The following LPP variants were observed in gnomAD, a reference collection of about 807,000 sequenced individuals.
The protein encoded by LPP is LIM domain containing preferred translocation partner in lipoma.
A neutral mutation model predicts 60.4 loss-of-function variants in LPP; 38 were observed. The ratio of observed to expected loss-of-function variants is 0.63; its 90% confidence interval spans 0.49 to 0.83. The LOEUF is 0.83. LPP is among the 40% of genes least tolerant of loss of function. The pLI is 0.00. For missense variants in LPP, 902 were observed against 783.6 expected (o/e 1.15, Z -1.80); for synonymous variants, 328 against 290.8 (o/e 1.13, Z -1.30).
chr3:188,503,802 G>A (rs1276709635), intron 5 of LPP, among the ~76,000 whole-genome samples: 1 of 152,066 alleles, frequency 6.6e-6, no homozygotes, highest in Non-Finnish European at 1.5e-5. Flanking sequence ...TAAGAAAACC[G>A]GATAATTTTA....
intron 6 of LPP, among the ~76,000 whole-genome samples, chr3:188,562,810 G>A (rs17606853): frequency 0.46 from 70,382 of 151,792 alleles, 17,157 homozygotes; most frequent in East Asian, 0.92. Flanking sequence ...TTGATGTTTA[G>A]TTTCAGACCT....
At chr3:188,457,727 C>T (rs1250012102) in intron 4 of LPP, among the ~76,000 whole-genome samples, 1 of 41,882 alleles carries the variant, frequency 2.4e-5, no homozygotes, top group Non-Finnish European at 4.4e-5. Flanking sequence ...ACTGTCTCTA[C>T]TAAAAAAAAA....
chr3:188,385,934 A>G (rs1778149052), intron 3 of LPP, among the ~76,000 whole-genome samples: 1 of 152,128 alleles, frequency 6.6e-6, no homozygotes, highest in African/African-American at 2.4e-5. Flanking sequence ...CCCCAAAATT[A>G]TCTCTACTGA....
intron 2 of LPP, among the ~76,000 whole-genome samples, chr3:188,300,710 C>T (rs1427003476): frequency 6.6e-6 from 1 of 152,132 alleles, no homozygotes; most frequent in Non-Finnish European, 1.5e-5. Context: ...TCCTGAATGT[C>T]CTGCGTTAGG....
At chr3:188,360,464 A>G (rs1035300701) in intron 3 of LPP, among the ~76,000 whole-genome samples, 33 of 145,766 alleles carry the variant, frequency 2.3e-4, no homozygotes, top group African/African-American at 7.9e-4. Flanking sequence ...TCTTTCTCCC[A>G]CCCTCCTCTC....
At chr3:188,404,817 G>A in intron 3 of LPP, among the ~76,000 whole-genome samples, 1 of 152,164 alleles carries the variant, frequency 6.6e-6, no homozygotes, top group Non-Finnish European at 1.5e-5. Context: ...CTTTTGGGCT[G>A]GGGGCGCTTA....
At chr3:188,185,128 G>C (rs576554612) in intron 1 of LPP, among the ~76,000 whole-genome samples, 2 of 152,132 alleles carry the variant, frequency 1.3e-5, no homozygotes, top group East Asian at 3.9e-4. Flanking sequence ...TTTGATGGTA[G>C]AGGAGGAAAG....
intron 4 of LPP, among the ~76,000 whole-genome samples, chr3:188,445,276 T>A (rs1794952888): frequency 6.6e-6 from 1 of 152,184 alleles, no homozygotes. Flanking sequence ...AAAGAAAATG[T>A]GGCACATATG....
chr3:188,422,913 T>TGTGTGTGTGTGTGTG (rs1553893973), intron 4 of LPP, among the ~76,000 whole-genome samples: 6 of 133,806 alleles, frequency 4.5e-5, no homozygotes, highest in African/African-American at 1.7e-4. Context: ...GGTGTCTTCT[T>TGTGTGTGTGTGTGTG]TGTGTGTGTG....
At chr3:188,226,771 GA>G (rs896240657) in intron 2 of LPP, among the ~76,000 whole-genome samples, 1 of 151,774 alleles carries the variant, frequency 6.6e-6, no homozygotes, top group Non-Finnish European at 1.5e-5. Context: ...CATTGTGATT[GA>G]AAAAAAACTA....
At chr3:188,336,743 A>G (rs1020538912) in intron 2 of LPP, among the ~76,000 whole-genome samples, 2 of 152,118 alleles carry the variant, frequency 1.3e-5, no homozygotes, top group Non-Finnish European at 2.9e-5. Flanking sequence ...GAAACAGCGT[A>G]TTAGAGTTGT....
At chr3:188,325,506 A>G (rs1758179835) in intron 2 of LPP, among the ~76,000 whole-genome samples, 1 of 151,922 alleles carries the variant, frequency 6.6e-6, no homozygotes. Context: ...CCTCCCCATC[A>G]TTCTTCTGTC....
Position 188,874,771 on chromosome 3 carries a change from A to G in LPP, c.*292A>G, listed in dbSNP as rs1191097936. The G allele has an allele frequency of 3.5e-6, 1 of 281,884 alleles. No homozygotes were observed. The highest frequency in any genetic ancestry group is 2.1e-5 in the African/African-American group (1 of 47,064). 17.5% of individuals were successfully genotyped at this position (281,884 alleles called of 1,614,324 possible). A position where few individuals can be genotyped will look rare whatever the true frequency, so the allele number is the denominator to read the frequency against. On this transcript the variant is annotated 3_prime_UTR_variant, in exon 12 of 12. Coordinates refer to ENST00000617246, the MANE Select transcript of LPP (RefSeq NM_001375462.1). Reference sequence around the variant, plus strand: ...TGCATTCCTGTAACTTTTAATCCCTATGTTTGTCTCACTTTTCATCTGGTT... The same window carrying G: ...TGCATTCCTGTAACTTTTAATCCCTGTGTTTGTCTCACTTTTCATCTGGTT...
At chr3:188,281,921 A>T (rs1425410045) in intron 2 of LPP, among the ~76,000 whole-genome samples, 1 of 152,174 alleles carries the variant, frequency 6.6e-6, no homozygotes, top group Non-Finnish European at 1.5e-5. Flanking sequence ...TTGCAGTCAC[A>T]TGTTTTACTT....
intron 9 of LPP, among the ~76,000 whole-genome samples, chr3:188,815,699 T>C (rs1752280286): frequency 6.6e-6 from 1 of 152,192 alleles, no homozygotes; most frequent in South Asian, 2.1e-4. Context: ...CTTTGGATAA[T>C]TATTGCGATT....
intron 3 of LPP, among the ~76,000 whole-genome samples, chr3:188,381,967 T>C (rs1325923684): frequency 6.6e-6 from 1 of 151,948 alleles, no homozygotes; most frequent in Non-Finnish European, 1.5e-5. Flanking sequence ...TTTTAGATTT[T>C]GTAGAGACAG....
At position 188,572,401 on chromosome 3, in the gene LPP, T is replaced by C. The variant is rs1196372270; in HGVS notation, c.430-36760T>C. Among the ~76,000 whole-genome samples the C allele has an allele frequency of 6.6e-6, 1 of 152,116 alleles. No individual in the cohort carries two copies. Among genetic ancestry groups the C allele is most frequent in the Non-Finnish European group, 1.5e-5 (1 of 68,014 alleles). On this transcript the variant is annotated intron_variant, in intron 6 of 11. Transcript: ENST00000617246. The surrounding 1 kb of genome is among the most constrained non-coding windows in gnomAD (Gnocchi z 4.1). ...TTTGATGGGGTAGTGTAGTAAGAAC[T>C]CAATAAATGTTAGACTCCTCATTAG...
intron 2 of LPP, among the ~76,000 whole-genome samples, chr3:188,249,073 A>G (rs1003041855): frequency 9.9e-5 from 15 of 152,284 alleles, no homozygotes; most frequent in South Asian, 6.2e-4. Flanking sequence ...AAGAAATTTT[A>G]TGGAATTGCT....
At chr3:188,335,593 C>A (rs1027138977) in intron 2 of LPP, among the ~76,000 whole-genome samples, 2 of 151,984 alleles carry the variant, frequency 1.3e-5, no homozygotes, top group African/African-American at 4.8e-5. Context: ...TTATGTCTAT[C>A]TTTGTTGAAT....
Sources: gnomAD v4.1 joint callset for allele counts (sites outside exome capture counted in the v4.1 genomes callset) on GRCh38, gnomAD v4.1.1 for gene constraint, Gnocchi (gnomAD v3.1) non-coding constraint, MANE v1.5 for transcripts, NCBI Gene and HGNC (gene_info 2026-07-23, HGNC 2026-07-21) for gene names.